DMD: variants seen among roughly 807,000 people sequenced by gnomAD.
DMD encodes dystrophin.
A neutral mutation model predicts 330.1 loss-of-function variants in DMD; 63 were observed. The observed-to-expected ratio is 0.19, with a 90% CI of 0.16 to 0.24. The LOEUF (loss-of-function observed/expected upper bound fraction) is 0.24, where lower values mean the gene tolerates loss of function less well. DMD is among the 10% of genes least tolerant of loss of function. The pLI is 1.00. For missense variants in DMD, 3,344 were observed against 2,684.1 expected (o/e 1.25, Z -5.43); for synonymous variants, 1,223 against 959.8 (o/e 1.27, Z -5.07).
chrX:32,740,116 C>T (rs1056168232), intron 7 of DMD, among the ~76,000 whole-genome samples: 4 of 108,333 alleles, frequency 3.7e-5, no homozygotes, highest in Non-Finnish European at 5.7e-5. Context: ...AGAAGCTTTA[C>T]GGGTTATCGT....
intron 50 of DMD, among the ~76,000 whole-genome samples, chrX:31,775,013 C>G (rs2090572041): frequency 1.8e-5 from 2 of 111,200 alleles, no homozygotes; most frequent in Non-Finnish European, 3.8e-5. Flanking sequence ...AACTCTGGGA[C>G]CTTGGTAAAG....
intron 44 of DMD, among the ~76,000 whole-genome samples, chrX:32,030,961 A>T (rs1186511065): frequency 8.9e-6 from 1 of 111,920 alleles, no homozygotes; most frequent in Non-Finnish European, 1.9e-5. Context: ...TCTACTCTGT[A>T]TACTGCTTTC....
chrX:32,788,849 A>T (rs983508888), intron 7 of DMD, among the ~76,000 whole-genome samples: 4 of 112,321 alleles, frequency 3.6e-5, no homozygotes, highest in Admixed American at 2.8e-4. Flanking sequence ...AGTTATTATT[A>T]AAAATTCTTC....
chrX:32,899,447 G>A (rs1476047598), intron 2 of DMD, among the ~76,000 whole-genome samples: 1 of 110,183 alleles, frequency 9.1e-6, no homozygotes, highest in African/African-American at 3.3e-5. Flanking sequence ...AGGCTGAGGC[G>A]GGCGGATCAC....
intron 44 of DMD, among the ~76,000 whole-genome samples, chrX:32,064,910 C>T (rs1416520399): frequency 1.8e-5 from 2 of 111,118 alleles, no homozygotes; most frequent in Non-Finnish European, 3.8e-5. Context: ...AGCATGCTAT[C>T]GATGCTTCAG....
chrX:32,507,866 A>G (rs1032369274), intron 18 of DMD, among the ~76,000 whole-genome samples: 3 of 111,270 alleles, frequency 2.7e-5, no homozygotes, highest in African/African-American at 9.8e-5. Flanking sequence ...TAAATCGTAT[A>G]TCAAAGGTCA....
At chrX:32,753,110 C>T (rs2071040373) in intron 7 of DMD, among the ~76,000 whole-genome samples, 1 of 111,345 alleles carries the variant, frequency 9.0e-6, no homozygotes, top group Admixed American at 9.6e-5. Context: ...CCTCTTCCTT[C>T]TCCACAACAA....
chrX:31,644,132 A>G (rs758343665), intron 54 of DMD, among the ~76,000 whole-genome samples: 1 of 112,095 alleles, frequency 8.9e-6, no homozygotes, highest in East Asian at 2.8e-4. Context: ...TTGGAATACA[A>G]AAAAGAAGAT....
intron 1 of DMD, among the ~76,000 whole-genome samples, chrX:33,129,482 T>G (rs1251351487): frequency 1.9e-5 from 2 of 105,219 alleles, no homozygotes; most frequent in African/African-American, 6.9e-5. Context: ...GTTCTATACT[T>G]ATTTCATTTT....
chrX:31,558,303 C>T (rs2074974790), intron 55 of DMD, among the ~76,000 whole-genome samples: 1 of 111,388 alleles, frequency 9.0e-6, no homozygotes, highest in Non-Finnish European at 1.9e-5. Flanking sequence ...CACCTGAGAG[C>T]TTATGACCTC....
At chrX:32,229,723 T>TAA (rs2097162069) in intron 43 of DMD, among the ~76,000 whole-genome samples, 1 of 71,305 alleles carries the variant, frequency 1.4e-5, no homozygotes, top group Non-Finnish European at 2.6e-5. Context: ...TATATATATA[T>TAA]ATAAAATCAA....
At chrX:32,681,239 T>C (rs954121869) in intron 9 of DMD, among the ~76,000 whole-genome samples, 3 of 111,625 alleles carry the variant, frequency 2.7e-5, no homozygotes, top group Admixed American at 9.6e-5. Flanking sequence ...ACTTACTCTA[T>C]GGAAATCTTC....
intron 7 of DMD, among the ~76,000 whole-genome samples, chrX:32,765,774 T>A (rs1250171655): frequency 3.6e-5 from 4 of 112,054 alleles, no homozygotes; most frequent in Non-Finnish European, 7.5e-5. Context: ...CCAAGATATT[T>A]AATTGCCCAA....
At chrX:32,783,315 G>A (rs865831048) in intron 7 of DMD, among the ~76,000 whole-genome samples, 1 of 93,394 alleles carries the variant, frequency 1.1e-5, no homozygotes. Context: ...CACATATATG[G>A]TATATATATA....
chrX:31,574,207 G>A (rs1453074435), intron 55 of DMD, among the ~76,000 whole-genome samples: 1 of 95,921 alleles, frequency 1.0e-5, no homozygotes, highest in African/African-American at 4.0e-5. Context: ...GCAGTGACTC[G>A]ATCTCGGCTC....
At chrX:31,798,093 T>C (rs187683816) in intron 50 of DMD, among the ~76,000 whole-genome samples, 4 of 112,317 alleles carry the variant, frequency 3.6e-5, no homozygotes, top group Admixed American at 1.9e-4. Flanking sequence ...GACATTCAAA[T>C]TGTAAAATAT....
At chrX:32,479,431 C>A (rs1225051928) in intron 21 of DMD, among the ~76,000 whole-genome samples, 1 of 110,852 alleles carries the variant, frequency 9.0e-6, no homozygotes, top group Non-Finnish European at 1.9e-5. Context: ...TTCCCTTTCC[C>A]AACCTTCCTC....
At chrX:32,404,106 G>C (rs190992317) in intron 30 of DMD, among the ~76,000 whole-genome samples, 255 of 112,173 alleles carry the variant, frequency 2.3e-3, no homozygotes, top group Middle Eastern at 4.6e-3. Context: ...ATTTAAAGAT[G>C]ACCGATTATA....
intron 4 of DMD, among the ~76,000 whole-genome samples, chrX:32,841,892 A>C (rs1332388144): frequency 8.9e-6 from 1 of 111,985 alleles, no homozygotes; most frequent in African/African-American, 3.2e-5. Flanking sequence ...GTGAGTAAAA[A>C]GGTAATCCAC....
Sources: gnomAD v4.1 joint callset for allele counts (sites outside exome capture counted in the v4.1 genomes callset) on GRCh38, gnomAD v4.1.1 for gene constraint, MANE v1.5 for transcripts, NCBI Gene and HGNC (gene_info 2026-07-23, HGNC 2026-07-21) for gene names.